The following MYO16 variants were observed in gnomAD, a reference collection of about 807,000 sequenced individuals.
MYO16 encodes myosin XVI, also known as unconventional myosin-XVI.
In MYO16, 94 loss-of-function variants were observed where a neutral mutation model predicts 205.3. The observed-to-expected ratio is 0.46, with a 90% CI of 0.39 to 0.54. MYO16 has a LOEUF of 0.54. MYO16 is among the 20% of genes least tolerant of loss of function. The pLI, the probability that MYO16 is intolerant of heterozygous loss-of-function variation, is 0.00. For synonymous variants in MYO16, 988 were observed against 954.0 expected (o/e 1.04, Z -0.66); for missense variants, 2,315 against 2,387.5 (o/e 0.97, Z 0.63).
chr13:109,157,538 C>A (rs564100687), intron 32 of MYO16, among the ~76,000 whole-genome samples: 1 of 152,358 alleles, frequency 6.6e-6, no homozygotes, highest in East Asian at 1.9e-4. Flanking sequence ...CTCCAGCCCA[C>A]TCTGACCTCT....
chr13:108,536,026 TGTGTGTGTGCATGTGTGTGTGCAC>T, the MYO16 span, among the ~76,000 whole-genome samples: 170 of 75,578 alleles, frequency 2.2e-3, 1 homozygote, highest in Middle Eastern at 0.015. Flanking sequence ...TGTGTGTGCA[TGTGTGTGTGCATGTGTGTGTGCAC>T]GTGTGTGAGT....
At chr13:109,045,546 C>T (rs1481902919) in intron 23 of MYO16, among the ~76,000 whole-genome samples, 1 of 152,070 alleles carries the variant, frequency 6.6e-6, no homozygotes, top group Non-Finnish European at 1.5e-5. Context: ...TGGCATTGTC[C>T]CCCAGCTCAA....
intron 1 of MYO16, among the ~76,000 whole-genome samples, chr13:108,613,059 A>C (rs1256434165): frequency 5.9e-5 from 9 of 152,280 alleles, no homozygotes. Context: ...TACTTGTAAA[A>C]TAAAGTTTAT....
At chr13:109,074,704 C>A (rs1888034141) in intron 27 of MYO16, among the ~76,000 whole-genome samples, 1 of 152,074 alleles carries the variant, frequency 6.6e-6, no homozygotes, top group South Asian at 2.1e-4. Context: ...AGCACACTTA[C>A]ACCATCAGAT....
intron 20 of MYO16, among the ~76,000 whole-genome samples, chr13:108,983,735 T>C (rs1434261368): frequency 2.0e-5 from 3 of 152,224 alleles, no homozygotes; most frequent in Admixed American, 6.5e-5. Flanking sequence ...ATAGGTTCCA[T>C]GCCTTCCATT....
At chr13:108,642,135 A>G (rs1880530489) in intron 1 of MYO16, among the ~76,000 whole-genome samples, 1 of 152,200 alleles carries the variant, frequency 6.6e-6, no homozygotes, top group Non-Finnish European at 1.5e-5. Context: ...GTGAAAGTCA[A>G]TCAATTTATT....
chr13:109,094,645 A>T lies in MYO16; in HGVS notation c.3336-6140A>T, dbSNP rs922859343. On this transcript the variant is annotated intron_variant, in intron 27 of 34. Transcript: ENST00000457511. ...CACCTATCAACCTGTCATCTACATT[A>T]GGTATTTCTTCTAATGCTATCCCTC... Among the ~76,000 whole-genome samples, 11 of 152,086 alleles carry T rather than the reference A, an allele frequency of 7.2e-5. 1 individual carries two copies. Among genetic ancestry groups the T allele is most frequent in the Non-Finnish European group, 4.4e-5 (3 of 68,026 alleles).
rs1468243526 is a variant in MYO16, at chr13:108,830,545, G to T, written c.1097+7267G>T. 2.0e-5 allele frequency among the ~76,000 whole-genome samples: 3 copies of T among 148,336 alleles called. No homozygotes were observed. The East Asian group carries it at 6.0e-4, about 30-fold the overall frequency. ...AAACACCGCATATTCTCACTCATAG[G>T]TGGGAATTGAACAATGAGAACACAT... On this transcript the variant is annotated intron_variant, in intron 9 of 34. Transcript: ENST00000457511.
chr13:108,820,453 T>A, intron 8 of MYO16, 41 bp downstream of exon 8: 1 of 1,488,766 alleles, frequency 6.7e-7, no homozygotes, highest in Non-Finnish European at 9.2e-7. Context: ...CAGGTACTGT[T>A]TTCTTCCTTT....
chr13:109,065,014 G>T (rs1232573889), intron 27 of MYO16, among the ~76,000 whole-genome samples: 1 of 152,208 alleles, frequency 6.6e-6, no homozygotes, highest in African/African-American at 2.4e-5. Context: ...TTCCCCAGTT[G>T]CAGCCATATG....
intron 8 of MYO16, among the ~76,000 whole-genome samples, chr13:108,821,397 C>T (rs1355877994): frequency 6.6e-6 from 1 of 152,150 alleles, no homozygotes; most frequent in Non-Finnish European, 1.5e-5. Context: ...TTAATAGTCA[C>T]AAACTTGAGA....
chr13:108,970,212 A>G (rs942245419), intron 20 of MYO16, among the ~76,000 whole-genome samples: 10 of 152,224 alleles, frequency 6.6e-5, no homozygotes, highest in African/African-American at 1.9e-4. Context: ...GTTGCCTTAT[A>G]CTTATTTCAG....
intron 29 of MYO16, among the ~76,000 whole-genome samples, chr13:109,123,775 T>C (rs911140168): frequency 6.6e-6 from 1 of 152,232 alleles, no homozygotes; most frequent in African/African-American, 2.4e-5. Flanking sequence ...TGTTCAGCTT[T>C]CTACCAGCTA....
intron 3 of MYO16, among the ~76,000 whole-genome samples, chr13:108,718,579 G>T (rs1392543973): frequency 6.6e-6 from 1 of 151,998 alleles, no homozygotes; most frequent in Non-Finnish European, 1.5e-5. Flanking sequence ...AGCGGGCACA[G>T]CCAGGCAAGT....
At chr13:108,604,190 C>T (rs370899542) in intron 1 of MYO16, among the ~76,000 whole-genome samples, 63 of 152,160 alleles carry the variant, frequency 4.1e-4, no homozygotes, top group African/African-American at 1.5e-3. Flanking sequence ...GTCCCTCCCC[C>T]AAGAGTGGGG....
At chr13:109,047,421 A>G (rs1410713160) in intron 24 of MYO16, among the ~76,000 whole-genome samples, 1 of 152,260 alleles carries the variant, frequency 6.6e-6, no homozygotes, top group East Asian at 1.9e-4. Context: ...ATTCATGCTC[A>G]CTATGTAGGA....
chr13:109,155,844 CTCT>C (rs1403200977), intron 32 of MYO16, among the ~76,000 whole-genome samples: 41 of 152,318 alleles, frequency 2.7e-4, no homozygotes, highest in African/African-American at 9.4e-4. Context: ...ACTGAACTCT[CTCT>C]TCTTGAGTTT....
At chr13:108,939,914 G>A (rs1361199079) in intron 16 of MYO16, among the ~76,000 whole-genome samples, 1 of 152,094 alleles carries the variant, frequency 6.6e-6, no homozygotes, top group Non-Finnish European at 1.5e-5. Flanking sequence ...TACTGTATCT[G>A]TGTGTGTGAT....
chr13:109,195,174 CCT>C (rs1444307524), intron 34 of MYO16, among the ~76,000 whole-genome samples: 3 of 151,866 alleles, frequency 2.0e-5, no homozygotes, highest in Non-Finnish European at 4.4e-5. Flanking sequence ...AAATGCAAAT[CCT>C]CTCTCTTGCT....
Sources: allele counts gnomAD v4.1 joint callset (sites outside exome capture counted in the v4.1 genomes callset), GRCh38; gene constraint gnomAD v4.1.1; transcripts MANE v1.5; gene names NCBI Gene and HGNC (gene_info 2026-07-23, HGNC 2026-07-21).